CLTCL1: variants seen among roughly 807,000 people sequenced by gnomAD.
CLTCL1 encodes clathrin heavy chain like 1, also known as clathrin heavy chain 2.
CLTCL1 carries 159 observed loss-of-function variants against 190.0 expected under a neutral mutation model. That is an observed-to-expected ratio of 0.84 (90% CI 0.74 to 0.95). CLTCL1 has a LOEUF of 0.95. Among genes scored for constraint, CLTCL1 ranks in the 40% least tolerant of loss-of-function variants. The pLI is 0.00. For synonymous variants in CLTCL1, 752 were observed against 769.6 expected, an observed-to-expected ratio of 0.98 and a Z score of 0.38; for missense variants, 1,878 against 2,033.4, an observed-to-expected ratio of 0.92 and a Z score of 1.47.
chr22:19,184,457 T>C (rs1369273624), intron 29 of CLTCL1: 5 of 455,860 alleles, frequency 1.1e-5, no homozygotes, highest in East Asian at 6.9e-5. Flanking sequence ...ATGGACCCGA[T>C]GTGCTGAGCT....
In CLTCL1 at chr22:19,242,911, T is replaced by C. The variant is rs544936983; in HGVS notation, c.545A>G (p.Gln182Arg). The C allele has an allele frequency of 7.4e-6, 12 of 1,613,720 alleles. No homozygotes were observed. Among genetic ancestry groups the C allele is most frequent in the Non-Finnish European group, 1.0e-5 (12 of 1,179,834 alleles). ...AACCTTCCTATCCACAGAGTAGAGC[T>C]GCATTGCTCCAACCACACGGTTTTG... Reference protein sequence around the residue: ...AQQNRVVGAMQLYSVDRKVSQ... With the variant: ...AQQNRVVGAMRLYSVDRKVSQ... The change falls in exon 4 of 33, where the codon CAG becomes CGG. Residue 182 changes from glutamine to arginine, a missense_variant. Gln to Arg is a conservative substitution (Grantham distance 43). Transcript: ENST00000427926.
At chr22:19,181,179 G>C (rs2084125881) in intron 30 of CLTCL1, 1 of 233,876 alleles carries the variant, frequency 4.3e-6, no homozygotes, top group Non-Finnish European at 8.4e-6. Flanking sequence ...CATGTGCAGG[G>C]AACACTGTCT....
chr22:19,256,471 C>T (rs571376793), intron 2 of CLTCL1, among the ~76,000 whole-genome samples: 2 of 151,078 alleles, frequency 1.3e-5, no homozygotes, highest in Middle Eastern at 3.4e-3. Flanking sequence ...ATTCTCCTGC[C>T]TCAGCCCCCC....
At chr22:19,199,887 G>T in intron 23 of CLTCL1, 46 bp from the exon 24 acceptor site, 1 of 1,308,946 alleles carries the variant, frequency 7.6e-7, no homozygotes, top group Non-Finnish European at 1.1e-6. Context: ...ACAGGACACA[G>T]CACCACAGCA....
intron 11 of CLTCL1, among the ~76,000 whole-genome samples, chr22:19,227,703 T>C (rs1455826674): frequency 1.3e-5 from 2 of 152,172 alleles, no homozygotes; most frequent in Admixed American, 6.5e-5. Flanking sequence ...TCCACCCGCC[T>C]TGGCCTCCCA....
At chr22:19,202,521 C>T (rs2084928209) in intron 22 of CLTCL1, among the ~76,000 whole-genome samples, 1 of 125,352 alleles carries the variant, frequency 8.0e-6, no homozygotes, top group African/African-American at 3.1e-5. Flanking sequence ...GCCATCACGG[C>T]ACCTCCCCCA....
intron 27 of CLTCL1, among the ~76,000 whole-genome samples, chr22:19,188,444 T>C (rs1186676293): frequency 2.0e-5 from 3 of 152,222 alleles, no homozygotes; most frequent in Non-Finnish European, 4.4e-5. Flanking sequence ...AAAAACACAG[T>C]ACACACCTTA....
intron 2 of CLTCL1, among the ~76,000 whole-genome samples, chr22:19,261,472 G>A (rs1040915590): frequency 6.6e-5 from 10 of 152,274 alleles, no homozygotes; most frequent in East Asian, 5.8e-4. Flanking sequence ...GGATCTAGGC[G>A]AAGTAAATTG....
intron 5 of CLTCL1, 24 bp from the exon 6 acceptor site, chr22:19,235,893 G>A (rs375486772): frequency 1.2e-6 from 2 of 1,600,634 alleles, no homozygotes; most frequent in Non-Finnish European, 1.7e-6. Context: ...GAGAGCAAGA[G>A]GTTGGAAAGT....
intron 2 of CLTCL1, chr22:19,257,914 G>C (rs1357743216): frequency 8.0e-7 from 1 of 1,246,876 alleles, no homozygotes; most frequent in African/African-American, 1.5e-5. Context: ...ATTACTTCAA[G>C]ACCACTGAGA....
At chr22:19,275,303 C>T (rs1569250165) in intron 2 of CLTCL1, among the ~76,000 whole-genome samples, 2 of 152,034 alleles carry the variant, frequency 1.3e-5, no homozygotes, top group East Asian at 3.9e-4. Context: ...AGCAGGCCCT[C>T]AGGCAAGGGG....
At chr22:19,183,246 C>A in intron 30 of CLTCL1, 144 bp downstream of exon 30, 1 of 660,650 alleles carries the variant, frequency 1.5e-6, no homozygotes, top group African/African-American at 1.8e-5. Context: ...AGGAAAGCAG[C>A]CACTCCTGAA....
intron 3 of CLTCL1, among the ~76,000 whole-genome samples, 156 bp downstream of exon 3, chr22:19,253,803 A>G (rs1555971185): frequency 6.6e-6 from 1 of 151,856 alleles, no homozygotes. Context: ...TGACCTCAAG[A>G]GATCCTCCCG....
In CLTCL1 at chr22:19,234,559, CAA is replaced by C. The variant is rs1356409086; in HGVS notation, c.1115_1116del (p.Phe372CysfsTer7). 9 of 1,613,894 alleles carry C rather than the reference CAA, an allele frequency of 5.6e-6. No individual in the cohort carries two copies. The African/African-American group carries it at 1.1e-4, about 19-fold the overall frequency. On this transcript the variant is annotated frameshift_variant, in exon 7 of 33. Transcript: ENST00000427926. LOFTEE classifies it high-confidence loss of function. ...GCGGCTTCAGCATAGCTGCCCTGTG[CAA>C]AGAGGGTATTGAATTTTCTCACAAA... ...KLFVRKFNTL[F>X]AQGSYAEAAK...
intron 26 of CLTCL1, among the ~76,000 whole-genome samples, chr22:19,195,874 C>T (rs1275518749): frequency 1.3e-5 from 2 of 151,860 alleles, no homozygotes; most frequent in Non-Finnish European, 1.5e-5. Context: ...AAAAAAGGTC[C>T]GATGGTGAAC....
intron 19 of CLTCL1, among the ~76,000 whole-genome samples, chr22:19,212,004 T>C (rs1393153237): frequency 1.3e-5 from 2 of 152,124 alleles, no homozygotes; most frequent in African/African-American, 4.8e-5. Context: ...ATGAAATAAG[T>C]ATAAATCTAA....
intron 2 of CLTCL1, among the ~76,000 whole-genome samples, chr22:19,256,155 T>A (rs918180793): frequency 6.6e-6 from 1 of 151,516 alleles, no homozygotes; most frequent in Non-Finnish European, 1.5e-5. Flanking sequence ...CTTTTCCTTC[T>A]TTCTTTCTTT....
At chr22:19,184,540 C>T (rs1555927415) in intron 29 of CLTCL1, 4 of 456,062 alleles carry the variant, frequency 8.8e-6, no homozygotes, top group Non-Finnish European at 1.8e-5. Context: ...ACTGTTCCTA[C>T]AAAGGCACCA....
intron 3 of CLTCL1, among the ~76,000 whole-genome samples, chr22:19,243,171 T>C (rs1323809149): frequency 3.9e-5 from 6 of 152,072 alleles, no homozygotes; most frequent in Admixed American, 6.6e-5. Context: ...CAAACCTAAT[T>C]TGTTAAATAT....
Sources: gnomAD v4.1 joint callset for allele counts (sites outside exome capture counted in the v4.1 genomes callset) on GRCh38, gnomAD v4.1.1 for gene constraint, MANE v1.5 for transcripts, NCBI Gene and HGNC (gene_info 2026-07-23, HGNC 2026-07-21) for gene names.